NBEA: variants seen among roughly 807,000 people sequenced by gnomAD.
NBEA encodes lysosomal-trafficking regulator 2.
Under a neutral mutation model 343.4 loss-of-function variants are expected in NBEA, and 44 were observed. That is an observed-to-expected ratio of 0.13 (90% confidence interval 0.10 to 0.16). The LOEUF (loss-of-function observed/expected upper bound fraction) is 0.16. Among genes scored for constraint, NBEA ranks in the 10% least tolerant of loss-of-function variants. NBEA has a pLI of 1.00. For missense variants in NBEA, 2,555 were observed against 3,631.3 expected (o/e 0.70, Z 7.62); for synonymous variants, 1,175 against 1,238.7 (o/e 0.95, Z 1.08).
intron 40 of NBEA, among the ~76,000 whole-genome samples, chr13:35,459,139 C>G (rs1450469568): frequency 6.6e-6 from 1 of 151,812 alleles, no homozygotes; most frequent in Non-Finnish European, 1.5e-5. Context: ...TCTGAAGTGC[C>G]AGTCATCTCC....
chr13:35,318,235 G>A (rs904946402), intron 36 of NBEA, among the ~76,000 whole-genome samples: 2 of 152,036 alleles, frequency 1.3e-5, no homozygotes, highest in African/African-American at 4.8e-5. Context: ...TTGGCTGTGG[G>A]TTTGTCATAA....
At chr13:35,417,311 C>A (rs947167364) in intron 38 of NBEA, among the ~76,000 whole-genome samples, 14 of 151,934 alleles carry the variant, frequency 9.2e-5, no homozygotes, top group Non-Finnish European at 1.8e-4. Context: ...TTCTCTAGTT[C>A]TTTTAATTGT....
chr13:35,501,215 G>T (rs2076875086), intron 41 of NBEA, among the ~76,000 whole-genome samples: 1 of 151,844 alleles, frequency 6.6e-6, no homozygotes, highest in African/African-American at 2.4e-5. Flanking sequence ...GCTCTAAATG[G>T]TCCTCAGTAT....
At chr13:35,256,916 G>A (rs1300430978) in intron 34 of NBEA, among the ~76,000 whole-genome samples, 1 of 152,228 alleles carries the variant, frequency 6.6e-6, no homozygotes, top group Non-Finnish European at 1.5e-5. Flanking sequence ...TGGCTGGGCA[G>A]CTGCAGTTGC....
At chr13:35,407,517 C>CAAA (rs11355447) in intron 38 of NBEA, among the ~76,000 whole-genome samples, 22 of 135,188 alleles carry the variant, frequency 1.6e-4, no homozygotes, top group African/African-American at 5.1e-4. Context: ...TGCATCATTT[C>CAAA]AAAAAAAAAA....
intron 8 of NBEA, among the ~76,000 whole-genome samples, chr13:35,060,924 A>G (rs2063446045): frequency 6.6e-6 from 1 of 151,708 alleles, no homozygotes; most frequent in Non-Finnish European, 1.5e-5. Flanking sequence ...ATAAATCACA[A>G]ATGGAGTTTA....
At chr13:35,640,704 T>A (rs575909634) in intron 49 of NBEA, among the ~76,000 whole-genome samples, 1 of 152,288 alleles carries the variant, frequency 6.6e-6, no homozygotes, top group South Asian at 2.1e-4. Flanking sequence ...TAATCGAAAC[T>A]TTTCCTTAAT....
At chr13:35,556,019 A>G (rs761469409) in intron 44 of NBEA, among the ~76,000 whole-genome samples, 25 of 152,034 alleles carry the variant, frequency 1.6e-4, no homozygotes, top group Non-Finnish European at 2.9e-4. Flanking sequence ...TGTATTAAAT[A>G]GACAAAACTT....
chr13:35,443,726 G>C (rs887641102), intron 39 of NBEA, among the ~76,000 whole-genome samples: 3 of 151,796 alleles, frequency 2.0e-5, no homozygotes, highest in African/African-American at 7.2e-5. Flanking sequence ...CTCAGTATCA[G>C]GTATAAAAGA....
intron 16 of NBEA, among the ~76,000 whole-genome samples, chr13:35,121,695 A>G (rs894876093): frequency 1.3e-5 from 2 of 152,158 alleles, no homozygotes; most frequent in Non-Finnish European, 2.9e-5. Context: ...TAAAAGAAAA[A>G]AAGAGAAAAA....
At chr13:35,546,383 C>G (rs1049911945) in intron 41 of NBEA, among the ~76,000 whole-genome samples, 1 of 150,962 alleles carries the variant, frequency 6.6e-6, no homozygotes, top group African/African-American at 2.4e-5. Flanking sequence ...GAGAATCGCT[C>G]GAACCCAGGA....
intron 1 of NBEA, among the ~76,000 whole-genome samples, chr13:34,953,344 T>C (rs192326566): frequency 6.6e-6 from 1 of 152,314 alleles, no homozygotes; most frequent in East Asian, 1.9e-4. Context: ...AAATGAAGTA[T>C]TTAAATTTTT....
chr13:35,461,348 T>C (rs1393040394), intron 40 of NBEA, among the ~76,000 whole-genome samples: 3 of 152,222 alleles, frequency 2.0e-5, no homozygotes, highest in African/African-American at 4.8e-5. Flanking sequence ...ATTTTGATTT[T>C]CTACTTTTTT....
chr13:35,024,745 A>G (rs2061960525), intron 1 of NBEA, among the ~76,000 whole-genome samples: 2 of 152,206 alleles, frequency 1.3e-5, no homozygotes, highest in South Asian at 4.1e-4. Context: ...CCTTTGGGAA[A>G]TCTCCAAACT....
At chr13:35,203,152 T>G (rs2152746735) in intron 31 of NBEA, among the ~76,000 whole-genome samples, 1 of 152,298 alleles carries the variant, frequency 6.6e-6, no homozygotes, top group East Asian at 1.9e-4. Flanking sequence ...GGTTATATCC[T>G]TCTGTGCATA....
chr13:34,964,332 C>G (rs1430189228), intron 1 of NBEA, among the ~76,000 whole-genome samples: 1 of 152,008 alleles, frequency 6.6e-6, no homozygotes, highest in East Asian at 1.9e-4. Context: ...AATCACTCAG[C>G]ATCTTCACTT....
chr13:35,215,692 A>G (rs1273631526), intron 33 of NBEA, among the ~76,000 whole-genome samples: 2 of 151,684 alleles, frequency 1.3e-5, no homozygotes, highest in African/African-American at 4.8e-5. Context: ...AAACTCACAT[A>G]ATCGATCTAA....
chr13:35,369,144 T>G (rs2041288012), intron 38 of NBEA, among the ~76,000 whole-genome samples: 1 of 145,056 alleles, frequency 6.9e-6, no homozygotes, highest in Admixed American at 7.3e-5. Flanking sequence ...GATATTCTGT[T>G]GTGCCAGCAC....
At chr13:35,241,319 G>A (rs183694070) in intron 34 of NBEA, among the ~76,000 whole-genome samples, 7 of 151,816 alleles carry the variant, frequency 4.6e-5, no homozygotes, top group Admixed American at 4.6e-4. Flanking sequence ...ATTGTAGACT[G>A]GGGAGAAATA....
Sources: gnomAD v4.1 joint callset for allele counts (sites outside exome capture counted in the v4.1 genomes callset) on GRCh38, gnomAD v4.1.1 for gene constraint, MANE v1.5 for transcripts, NCBI Gene and HGNC (gene_info 2026-07-23, HGNC 2026-07-21) for gene names.